The following MGAM2 variants were observed in gnomAD, a reference collection of about 807,000 sequenced individuals.
The protein encoded by MGAM2 is probable maltase-glucoamylase 2.
A neutral mutation model predicts 96.1 loss-of-function variants in MGAM2; 98 were observed. The observed-to-expected ratio is 1.02, with a 90% CI of 0.87 to 1.21. MGAM2 has a LOEUF of 1.21. Among genes scored for constraint, MGAM2 ranks in the 50% most tolerant of loss-of-function variants. MGAM2 has a pLI of 0.00. For missense variants in MGAM2, 2,055 were observed against 1,182.4 expected, an observed-to-expected ratio of 1.74 and a Z score of -10.82; for synonymous variants, 749 against 414.8, an observed-to-expected ratio of 1.81 and a Z score of -9.79.
chr7:142,174,308 A>G (rs1477074199), intron 31 of MGAM2, among the ~76,000 whole-genome samples: 2 of 152,164 alleles, frequency 1.3e-5, no homozygotes, highest in East Asian at 1.9e-4. Flanking sequence ...CTTCCTATCT[A>G]TGAGCATGTT....
At chr7:142,133,156 T>A (rs1326127418) in intron 6 of MGAM2, among the ~76,000 whole-genome samples, 2 of 140,190 alleles carry the variant, frequency 1.4e-5, no homozygotes, top group South Asian at 2.2e-4. Flanking sequence ...AATTTATATT[T>A]AATATAAATA....
At position 142,158,119 on chromosome 7, in the gene MGAM2, C is replaced by G; in HGVS notation, c.2078+28C>G. On this transcript the variant is annotated intron_variant, in intron 18 of 47. Transcript: ENST00000477922. ...GAGTTTCCTGATTCTCAAAGACTCC[C>G]TTTCTGATTGTAGTTTCACTTGACT... 5.7e-6 allele frequency: 4 copies of G among 700,658 alleles called. No homozygotes were observed. In the South Asian group the frequency reaches 6.0e-5, roughly 10 times the overall value. The allele number at this position is 700,658 out of a possible 1,614,324, so 43.4% of individuals were successfully genotyped here. A position where few individuals can be genotyped will look rare whatever the true frequency, so the allele number is the denominator to read the frequency against.
chr7:142,164,364 C>T (rs67637690), intron 23 of MGAM2, among the ~76,000 whole-genome samples: 44,354 of 152,050 alleles, frequency 0.29, 6,745 homozygotes, highest in East Asian at 0.58. Flanking sequence ...CATAGCCTGC[C>T]GTGAAAACTG....
At chr7:142,200,039 C>G (rs1797175678) in intron 45 of MGAM2, 71 bp downstream of exon 45, 1 of 559,238 alleles carries the variant, frequency 1.8e-6, no homozygotes, top group Admixed American at 3.2e-5. Context: ...CGGCATATAA[C>G]TAACATGAAC....
chr7:142,180,956 C>A (rs987447883), intron 32 of MGAM2, among the ~76,000 whole-genome samples: 2 of 152,186 alleles, frequency 1.3e-5, no homozygotes, highest in African/African-American at 4.8e-5. Flanking sequence ...ATTTTACTGG[C>A]TTCTTTGAAT....
chr7:142,197,710 C>T lies in MGAM2; in HGVS notation c.4848C>T (p.Ile1616=). The stretch of plus-strand genomic sequence containing the variant: ...TCATGTTGGGCCCTGCTATCTTAAT[C>T]AGCCCTGTGTTGGAAACTGTGAGTT... ...RQFMLGPAIL[I]SPVLETSTFE... The change falls in exon 42 of 48, where the codon ATC becomes ATT. Residue 1616 remains isoleucine (I), a synonymous_variant. Coordinates refer to ENST00000477922, the MANE Select transcript of MGAM2 (RefSeq NM_001293626.2). 1 of 702,960 alleles carries T rather than the reference C, an allele frequency of 1.4e-6. No homozygotes were observed. The highest frequency in any genetic ancestry group is 2.3e-4 in the Middle Eastern group (1 of 4,370). The allele number at this position is 702,960 out of a possible 1,614,324, so 43.5% of individuals were successfully genotyped here.
intron 12 of MGAM2, among the ~76,000 whole-genome samples, chr7:142,141,702 A>G (rs973366528): frequency 6.6e-6 from 1 of 151,662 alleles, no homozygotes; most frequent in Non-Finnish European, 1.5e-5. Flanking sequence ...GTTTCTCCAT[A>G]TTGGCCAGGT....
In MGAM2 at chr7:142,115,402, T is replaced by TA. The variant is rs541431346; in HGVS notation, c.1-1471dup. ...TCATCCTGCAGATTCTGTTAGCAGATAGAGAGCGAGGAAGATGAGAGCAAT... is the reference window on the plus strand; with the variant it reads ...TCATCCTGCAGATTCTGTTAGCAGATAAGAGAGCGAGGAAGATGAGAGCAAT... On this transcript the variant is annotated intron_variant, in intron 1 of 47. Transcript: ENST00000477922. Among the ~76,000 whole-genome samples the TA allele has an allele frequency of 5.8e-4, 88 of 152,114 alleles. 1 individual carries two copies. The East Asian group carries it at 0.014, about 24-fold the overall frequency.
chr7:142,198,518 A>G, intron 43 of MGAM2, 97 bp from the exon 44 acceptor site: 1 of 620,012 alleles, frequency 1.6e-6, no homozygotes, highest in Non-Finnish European at 2.9e-6. Flanking sequence ...CTGACTTTCT[A>G]ACATGCTTCC....
At chr7:142,141,239 CT>C in intron 12 of MGAM2, 120 bp downstream of exon 12, 3 of 577,698 alleles carry the variant, frequency 5.2e-6, no homozygotes, top group Non-Finnish European at 9.1e-6. Context: ...TTAGAGGTTT[CT>C]TTTATTACTA....
At chr7:142,180,739 A>T (rs1426666745) in intron 32 of MGAM2, among the ~76,000 whole-genome samples, 1 of 152,152 alleles carries the variant, frequency 6.6e-6, no homozygotes, top group Non-Finnish European at 1.5e-5. Flanking sequence ...ATTTTTAAAA[A>T]TTATTTTTAA....
At chr7:142,186,235 G>T (rs1010733716) in intron 35 of MGAM2, 112 bp downstream of exon 35, 7 of 622,136 alleles carry the variant, frequency 1.1e-5, no homozygotes, top group East Asian at 2.7e-5. Flanking sequence ...ATGAAAGGGA[G>T]AATCTAGGTG....
At chr7:142,176,095 C>A (rs1187101975) in intron 32 of MGAM2, among the ~76,000 whole-genome samples, 50 of 131,214 alleles carry the variant, frequency 3.8e-4, no homozygotes, top group Admixed American at 5.3e-4. Context: ...CTGAAGATAG[C>A]AAAAAAAAAA....
At chr7:142,123,949 T>A (rs1794659196) in intron 3 of MGAM2, among the ~76,000 whole-genome samples, 1 of 149,078 alleles carries the variant, frequency 6.7e-6, no homozygotes, top group Non-Finnish European at 1.5e-5. Context: ...TGGTATCAGG[T>A]AAGAGTCCAG....
At chr7:142,179,119 T>A (rs540887173) in intron 32 of MGAM2, among the ~76,000 whole-genome samples, 163 of 152,290 alleles carry the variant, frequency 1.1e-3, no homozygotes, top group African/African-American at 3.7e-3. Flanking sequence ...ATTTGAGATC[T>A]TACTAACTTG....
chr7:142,172,967 G>A (rs1277949578), intron 30 of MGAM2, among the ~76,000 whole-genome samples: 2 of 152,100 alleles, frequency 1.3e-5, no homozygotes, highest in African/African-American at 4.8e-5. Flanking sequence ...TTGCTAAACA[G>A]CCTAAGAATT....
At chr7:142,180,693 C>G (rs1796511501) in intron 32 of MGAM2, among the ~76,000 whole-genome samples, 1 of 152,016 alleles carries the variant, frequency 6.6e-6, no homozygotes, top group South Asian at 2.1e-4. Context: ...GATTTGGCCT[C>G]TTTACATAAT....
chr7:142,219,044 A>C (rs1324046012), intron 47 of MGAM2, among the ~76,000 whole-genome samples: 1 of 152,214 alleles, frequency 6.6e-6, no homozygotes, highest in Non-Finnish European at 1.5e-5. Context: ...AAGGTTGATA[A>C]AACAGGGGGA....
At chr7:142,162,343 A>C (rs28661599) in intron 23 of MGAM2, among the ~76,000 whole-genome samples, 151,419 of 152,126 alleles carry the variant, frequency 1, 75,359 homozygotes, top group Middle Eastern at 1. Context: ...GGTATGGCAC[A>C]TTTTTAAGGT....
Sources: gnomAD v4.1 joint callset for allele counts (sites outside exome capture counted in the v4.1 genomes callset) on GRCh38, gnomAD v4.1.1 for gene constraint, MANE v1.5 for transcripts, NCBI Gene and HGNC (gene_info 2026-07-23, HGNC 2026-07-21) for gene names.